The following TNFRSF21 variants were observed in gnomAD, a reference collection of about 807,000 sequenced individuals.
The protein encoded by TNFRSF21 is TNF receptor superfamily member 21.
Under a neutral mutation model 45.6 loss-of-function variants are expected in TNFRSF21, and 19 were observed. The observed-to-expected ratio is 0.42, with a 90% CI of 0.29 to 0.61. TNFRSF21 has a LOEUF of 0.61. Among genes scored for constraint, TNFRSF21 ranks in the 20% least tolerant of loss-of-function variants. The pLI is 0.23. For missense variants in TNFRSF21, 737 were observed against 851.5 expected (o/e 0.87, Z 1.67); for synonymous variants, 314 against 335.5 (o/e 0.94, Z 0.70).
chr6:47,288,358 G>A (rs1762676723), intron 1 of TNFRSF21, among the ~76,000 whole-genome samples: 1 of 152,164 alleles, frequency 6.6e-6, no homozygotes, highest in African/African-American at 2.4e-5. Flanking sequence ...GTGTTACACT[G>A]CTTTGGAGAG....
At chr6:47,242,645 C>G (rs554838927) in intron 4 of TNFRSF21, among the ~76,000 whole-genome samples, 1 of 152,218 alleles carries the variant, frequency 6.6e-6, no homozygotes, top group African/African-American at 2.4e-5. Flanking sequence ...AGCCCCGCCC[C>G]GCTACCGGCA....
In TNFRSF21 at chr6:47,246,255, A is replaced by G. The variant is rs76832081; in HGVS notation, c.1509+7001T>C. Reference sequence around the variant, plus strand: ...ATTTCAACTTAATGTGCATTTACTGAAAACATAATGCATTTGCTGTCAAGT... The same window carrying G: ...ATTTCAACTTAATGTGCATTTACTGGAAACATAATGCATTTGCTGTCAAGT... On this transcript the variant is annotated intron_variant, in intron 4 of 5. Transcript: ENST00000296861. Among the ~76,000 whole-genome samples, 855 of 152,374 alleles carry G rather than the reference A, an allele frequency of 5.6e-3. 9 individuals carry two copies. Among genetic ancestry groups the G allele is most frequent in the African/African-American group, 0.019 (796 of 41,592 alleles).
intron 1 of TNFRSF21, among the ~76,000 whole-genome samples, chr6:47,295,878 C>T (rs537076418): frequency 1.8e-4 from 27 of 152,098 alleles, no homozygotes; most frequent in African/African-American, 6.3e-4. Context: ...TAGAGGATGC[C>T]AAGGCTAGAA....
intron 3 of TNFRSF21, among the ~76,000 whole-genome samples, chr6:47,270,511 C>T (rs1762399544): frequency 6.6e-6 from 1 of 152,182 alleles, no homozygotes. Context: ...ATCTGTAGGT[C>T]ACCAACATCA....
At chr6:47,306,528 C>T (rs979345060) in intron 1 of TNFRSF21, among the ~76,000 whole-genome samples, 1 of 152,138 alleles carries the variant, frequency 6.6e-6, no homozygotes, top group African/African-American at 2.4e-5. Context: ...GAGACAATAT[C>T]ACCTGCTTCA....
Position 47,284,080 on chromosome 6 carries a change from C to T in TNFRSF21, c.1101G>A (p.Val367=). The change falls in exon 3 of 6, where the codon GTG becomes GTA. Residue 367 remains valine, a synonymous_variant. Coordinates refer to ENST00000296861, the MANE Select transcript of TNFRSF21 (RefSeq NM_014452.5). ...FLLLVLVVIV[V]CSIRKSSRTL... ...TCCTCGAGCTTTTCCGGATACTGCA[C>T]ACCACAATCACCACAAGCACCAGCA... 1 of 1,614,204 alleles carries T rather than the reference C, an allele frequency of 6.2e-7. No homozygotes were observed. The highest frequency in any genetic ancestry group is 8.5e-7 in the Non-Finnish European group (1 of 1,180,032).
At chr6:47,300,948 A>T (rs1762858192) in intron 1 of TNFRSF21, among the ~76,000 whole-genome samples, 1 of 152,260 alleles carries the variant, frequency 6.6e-6, no homozygotes, top group Non-Finnish European at 1.5e-5. Context: ...AAATAGCTGC[A>T]CTAAGAAAAG....
chr6:47,283,926 G>C lies in TNFRSF21; in HGVS notation c.1243+12C>G, dbSNP rs747734086. The C allele has an allele frequency of 2.0e-5, 32 of 1,607,590 alleles. No individual in the cohort carries two copies. The East Asian group carries it at 5.6e-4, about 28-fold the overall frequency. Reference sequence around the variant, plus strand: ...GAGATCTGTGAGCAAGGAGAGAAGAGAGAAGGCTCACCATGGCCATTGCAG... The same window carrying C: ...GAGATCTGTGAGCAAGGAGAGAAGACAGAAGGCTCACCATGGCCATTGCAG... On this transcript the variant is annotated intron_variant, in intron 3 of 5. Transcript: ENST00000296861.
chr6:47,268,059 CA>C (rs967342591), intron 3 of TNFRSF21, among the ~76,000 whole-genome samples: 1 of 152,204 alleles, frequency 6.6e-6, no homozygotes, highest in African/African-American at 2.4e-5. Context: ...CCTCCTTCTC[CA>C]AAGGATGGAA....
chr6:47,238,604 T>A (rs568863597), intron 4 of TNFRSF21, among the ~76,000 whole-genome samples: 2 of 152,338 alleles, frequency 1.3e-5, no homozygotes, highest in African/African-American at 4.8e-5. Context: ...GCAAACACAC[T>A]TAGTCCTTCC....
At chr6:47,281,907 T>C (rs1189982430) in intron 3 of TNFRSF21, among the ~76,000 whole-genome samples, 2 of 152,120 alleles carry the variant, frequency 1.3e-5, no homozygotes, top group African/African-American at 4.8e-5. Flanking sequence ...AGTTGTCTTA[T>C]TCAAGTTTAT....
intron 3 of TNFRSF21, among the ~76,000 whole-genome samples, chr6:47,272,772 G>GA (rs200467303): frequency 0.022 from 3,395 of 152,158 alleles, 51 homozygotes; most frequent in Middle Eastern, 0.037. Flanking sequence ...CCATTAGCAA[G>GA]ACTAATAAAG....
chr6:47,255,926 T>C (rs1313350008), intron 3 of TNFRSF21, among the ~76,000 whole-genome samples: 1 of 152,190 alleles, frequency 6.6e-6, no homozygotes, highest in Non-Finnish European at 1.5e-5. Context: ...AAGAGGGGTT[T>C]ACTGTTCTGA....
chr6:47,251,279 C>A (rs1317711710), intron 4 of TNFRSF21, among the ~76,000 whole-genome samples: 2 of 151,988 alleles, frequency 1.3e-5, no homozygotes, highest in Non-Finnish European at 2.9e-5. Context: ...GCCTTCTCAG[C>A]CTCCATCATA....
intron 4 of TNFRSF21, among the ~76,000 whole-genome samples, chr6:47,246,952 T>A (rs1764833352): frequency 6.6e-6 from 1 of 152,214 alleles, no homozygotes; most frequent in Non-Finnish European, 1.5e-5. Flanking sequence ...AACATTTGCT[T>A]ATCCCACTGA....
At chr6:47,255,835 A>C (rs1422672042) in intron 3 of TNFRSF21, among the ~76,000 whole-genome samples, 1 of 152,082 alleles carries the variant, frequency 6.6e-6, no homozygotes, top group Non-Finnish European at 1.5e-5. Flanking sequence ...CAATATCTTA[A>C]AAAATATTTA....
At position 47,300,198 on chromosome 6, in the gene TNFRSF21, G is replaced by C. The variant is rs146918973; in HGVS notation, c.96+9218C>G. ...CAGGCACCTCAAAATTACTCAACAC[G>C]CATCCAAACTTAAGGCCTCTCAGTT... On this transcript the variant is annotated intron_variant, in intron 1 of 5. Coordinates refer to ENST00000296861, the MANE Select transcript of TNFRSF21 (RefSeq NM_014452.5). Among the ~76,000 whole-genome samples, 136 of 152,262 alleles carry C rather than the reference G, an allele frequency of 8.9e-4. 1 individual carries two copies. The highest frequency in any genetic ancestry group is 2.9e-3 in the African/African-American group (121 of 41,534).
chr6:47,274,356 T>G (rs1463211955), intron 3 of TNFRSF21, among the ~76,000 whole-genome samples: 1 of 152,198 alleles, frequency 6.6e-6, no homozygotes, highest in Non-Finnish European at 1.5e-5. Flanking sequence ...CCACCTGATC[T>G]TTGACAAACC....
At chr6:47,257,918 A>G (rs962156631) in intron 3 of TNFRSF21, among the ~76,000 whole-genome samples, 2 of 152,154 alleles carry the variant, frequency 1.3e-5, no homozygotes, top group African/African-American at 2.4e-5. Flanking sequence ...TGATGCCTCA[A>G]TTGTGGTTAA....
Sources: gnomAD v4.1 joint callset for allele counts (sites outside exome capture counted in the v4.1 genomes callset) on GRCh38, gnomAD v4.1.1 for gene constraint, MANE v1.5 for transcripts, NCBI Gene and HGNC (gene_info 2026-07-23, HGNC 2026-07-21) for gene names.